XYLT1: variants seen among roughly 807,000 people sequenced by gnomAD.
XYLT1 encodes beta-D-xylosyltransferase 1.
A neutral mutation model predicts 91.3 loss-of-function variants in XYLT1; 36 were observed. The observed-to-expected ratio is 0.39, with a 90% confidence interval of 0.30 to 0.52. The LOEUF is 0.52. Among genes scored for constraint, XYLT1 ranks in the 20% least tolerant of loss-of-function variants. The probability of loss-of-function intolerance (pLI) is 0.68; values close to 1 mark genes in which losing one functional copy is unlikely to be tolerated. For missense variants in XYLT1, 1,242 were observed against 1,284.5 expected (o/e 0.97, Z 0.51); for synonymous variants, 588 against 532.0 (o/e 1.11, Z -1.45).
At chr16:17,427,052 G>A (rs1156450798) in intron 1 of XYLT1, among the ~76,000 whole-genome samples, 2 of 152,218 alleles carry the variant, frequency 1.3e-5, no homozygotes, top group East Asian at 3.8e-4. Context: ...AGGCATCATG[G>A]TAGGCAGAGC....
At chr16:17,334,628 G>A (rs1251047196) in intron 2 of XYLT1, among the ~76,000 whole-genome samples, 1 of 152,162 alleles carries the variant, frequency 6.6e-6, no homozygotes, top group African/African-American at 2.4e-5. Context: ...TCCCCGAGGG[G>A]ACCTTGCAGT....
chr16:17,447,356 T>C (rs1054266214), intron 1 of XYLT1, among the ~76,000 whole-genome samples: 7 of 152,238 alleles, frequency 4.6e-5, no homozygotes, highest in African/African-American at 1.7e-4. Context: ...TGGGGCAGAA[T>C]GTCTGACCTT....
intron 10 of XYLT1, among the ~76,000 whole-genome samples, chr16:17,122,331 A>G (rs2030092114): frequency 1.3e-5 from 2 of 151,954 alleles, no homozygotes; most frequent in Non-Finnish European, 2.9e-5. Flanking sequence ...TTTGATTTGC[A>G]TTTTCCTGAT....
At chr16:17,278,976 C>T (rs746492286) in intron 2 of XYLT1, among the ~76,000 whole-genome samples, 22 of 152,256 alleles carry the variant, frequency 1.4e-4, no homozygotes, top group Non-Finnish European at 2.5e-4. Flanking sequence ...GGAAGAGAAG[C>T]GAAATTTGCC....
intron 6 of XYLT1, among the ~76,000 whole-genome samples, chr16:17,143,727 T>G (rs1340914018): frequency 2.0e-5 from 3 of 152,144 alleles, no homozygotes; most frequent in African/African-American, 7.2e-5. Context: ...TCCACCATCA[T>G]TGCCATTACC....
intron 3 of XYLT1, among the ~76,000 whole-genome samples, chr16:17,232,100 T>C (rs993729000): frequency 4.1e-5 from 6 of 146,242 alleles, no homozygotes; most frequent in African/African-American, 1.2e-4. Flanking sequence ...TCTATTATTA[T>C]ATATAATCGA....
chr16:17,143,476 A>G (rs982486465), intron 6 of XYLT1, among the ~76,000 whole-genome samples: 1 of 152,216 alleles, frequency 6.6e-6, no homozygotes, highest in African/African-American at 2.4e-5. Context: ...TGGCCCTTAC[A>G]CACGACCAGG....
chr16:17,405,578 G>A (rs920689091), intron 1 of XYLT1, among the ~76,000 whole-genome samples: 5 of 152,186 alleles, frequency 3.3e-5, no homozygotes, highest in Admixed American at 1.3e-4. Context: ...CTCGGGGGCC[G>A]TAGCTTGCTG....
chr16:17,237,660 C>T (rs2033269962), intron 3 of XYLT1, among the ~76,000 whole-genome samples: 1 of 152,286 alleles, frequency 6.6e-6, no homozygotes, highest in South Asian at 2.1e-4. Context: ...CATTTCTTAC[C>T]AGCGTTTCTA....
At chr16:17,196,185 C>A (rs2032423915) in intron 5 of XYLT1, among the ~76,000 whole-genome samples, 1 of 152,192 alleles carries the variant, frequency 6.6e-6, no homozygotes, top group Non-Finnish European at 1.5e-5. Context: ...GAAGAAGACC[C>A]CCAGTGACCA....
chr16:17,174,514 G>A (rs2031896086), intron 5 of XYLT1, among the ~76,000 whole-genome samples: 1 of 152,198 alleles, frequency 6.6e-6, no homozygotes, highest in African/African-American at 2.4e-5. Flanking sequence ...AAAGAAGCCA[G>A]ACGTGAAATA....
At chr16:17,192,534 TCATAC>T (rs2032337113) in intron 5 of XYLT1, among the ~76,000 whole-genome samples, 1 of 152,190 alleles carries the variant, frequency 6.6e-6, no homozygotes, top group Admixed American at 6.5e-5. Flanking sequence ...AATAAAACCA[TCATAC>T]CTTTCGAGGA....
At chr16:17,130,722 T>C (rs2030437448) in intron 9 of XYLT1, among the ~76,000 whole-genome samples, 1 of 152,172 alleles carries the variant, frequency 6.6e-6, no homozygotes, top group Admixed American at 6.5e-5. Context: ...CTGCAGGAGC[T>C]TCCTTAATTG....
chr16:17,141,286 T>C lies in XYLT1; in HGVS notation c.1454A>G (p.Glu485Gly). 6.2e-7 allele frequency: 1 copy of C among 1,614,154 alleles called. No individual in the cohort carries two copies. Among genetic ancestry groups the C allele is most frequent in the Non-Finnish European group, 8.5e-7 (1 of 1,180,028 alleles). ...MWRLGDRRIP[E>G]GIAVDGGSDW... ...CGAACCGCCATCCACGGCAATGCCC[T>C]CTGGGATCCGCCGATCTCCCAGGCG... Residue 485 changes from glutamate (E) to glycine (G), a missense_variant, in exon 7 of 12, where the codon GAG becomes GGG. By Grantham distance (98) the Glu-to-Gly change is moderately conservative. Coordinates refer to ENST00000261381, the MANE Select transcript of XYLT1 (RefSeq NM_022166.4).
chr16:17,270,341 G>A (rs2033870814), intron 2 of XYLT1, among the ~76,000 whole-genome samples: 2 of 152,312 alleles, frequency 1.3e-5, no homozygotes, highest in East Asian at 1.9e-4. Flanking sequence ...CCAGCAAAGC[G>A]TGCTCAGAGC....
chr16:17,319,353 G>A (rs1596479967), intron 2 of XYLT1, among the ~76,000 whole-genome samples: 1 of 152,164 alleles, frequency 6.6e-6, no homozygotes, highest in African/African-American at 2.4e-5. Flanking sequence ...ATGACAGGAA[G>A]GGTCCTGTCT....
chr16:17,377,870 A>C (rs1304473144), intron 1 of XYLT1, among the ~76,000 whole-genome samples: 1 of 152,056 alleles, frequency 6.6e-6, no homozygotes. Flanking sequence ...GAATTTCTTT[A>C]CCTCCCCTGA....
At chr16:17,123,749 C>T (rs900583531) in intron 10 of XYLT1, among the ~76,000 whole-genome samples, 2 of 152,106 alleles carry the variant, frequency 1.3e-5, no homozygotes, top group Non-Finnish European at 2.9e-5. Context: ...TCTTGATGAA[C>T]TGTGCCAATA....
chr16:17,190,420 A>G (rs1367589012), intron 5 of XYLT1, among the ~76,000 whole-genome samples: 1 of 150,674 alleles, frequency 6.6e-6, no homozygotes, highest in Non-Finnish European at 1.5e-5. Flanking sequence ...CATTAGGTAT[A>G]TCTCCTAATG....
Sources: gnomAD v4.1 joint callset for allele counts (sites outside exome capture counted in the v4.1 genomes callset) on GRCh38, gnomAD v4.1.1 for gene constraint, MANE v1.5 for transcripts, NCBI Gene and HGNC (gene_info 2026-07-23, HGNC 2026-07-21) for gene names.